The following TIMELESS variants were observed in gnomAD, a reference collection of about 807,000 sequenced individuals.
TIMELESS encodes the protein timeless circadian regulator.
A neutral mutation model predicts 164.3 loss-of-function variants in TIMELESS; 124 were observed. That is an observed-to-expected ratio of 0.75 (90% CI 0.65 to 0.88). The LOEUF is 0.88. Among genes scored for constraint, TIMELESS ranks in the 40% least tolerant of loss-of-function variants. The pLI is 0.00. For synonymous variants in TIMELESS, 564 were observed against 563.4 expected, an observed-to-expected ratio of 1.00 and a Z score of -0.02; for missense variants, 1,422 against 1,491.4, an observed-to-expected ratio of 0.95 and a Z score of 0.77.
intron 22 of TIMELESS, 27 bp downstream of exon 22, chr12:56,421,700 G>T (rs746600176): frequency 6.2e-7 from 1 of 1,612,224 alleles, no homozygotes; most frequent in South Asian, 1.1e-5. Flanking sequence ...TCATCTCAAA[G>T]GTCCCCTGAG....
rs187263370 is a variant in TIMELESS, at chr12:56,421,673, A to T, written c.2725+54T>A. Reference sequence around the variant, plus strand: ...GGGAATAAAAGGCAGCCCCAAAATAAATGGATAGCTTGGCTTTCATCTCAA... The same window carrying T: ...GGGAATAAAAGGCAGCCCCAAAATATATGGATAGCTTGGCTTTCATCTCAA... On this transcript the variant is annotated intron_variant, in intron 22 of 28. Transcript: ENST00000553532. The T allele has an allele frequency of 2.3e-5, 36 of 1,593,692 alleles. 1 individual carries two copies. In the Admixed American group the frequency reaches 5.8e-4, roughly 26 times the overall value.
At chr12:56,438,781 A>C (rs61937717) in intron 1 of TIMELESS, among the ~76,000 whole-genome samples, 1 of 58,474 alleles carries the variant, frequency 1.7e-5, no homozygotes. Context: ...CTGTCTCAAA[A>C]AAAAAAAAAA....
intron 26 of TIMELESS, 55 bp downstream of exon 26, chr12:56,420,514 G>T: frequency 7.2e-7 from 1 of 1,392,938 alleles, no homozygotes; most frequent in Non-Finnish European, 1.0e-6. Flanking sequence ...AGGAGGAGAT[G>T]TATTTGGAAA....
rs374560165 is a variant in TIMELESS, at chr12:56,424,844, G to T, written c.1786C>A (p.Arg596=). The change falls in exon 15 of 29, where the codon CGG becomes AGG. Residue 596 remains arginine, a synonymous_variant. Transcript: ENST00000553532. ...AASEVPVEEQ[R]AEAMVRIQDC... is the part of the protein sequence containing the mutation. ...TGGATCCGTACCATAGCTTCTGCCCGCTGCTCCTCCACTGGCACCTCTGAG... is the reference window on the plus strand; with the variant it reads ...TGGATCCGTACCATAGCTTCTGCCCTCTGCTCCTCCACTGGCACCTCTGAG... 2 of 1,614,064 alleles carry T rather than the reference G, an allele frequency of 1.2e-6. No individual in the cohort carries two copies. The highest frequency in any genetic ancestry group is 1.3e-5 in the African/African-American group (1 of 74,912).
In TIMELESS at chr12:56,428,311, G is replaced by A. The variant is rs759289820; in HGVS notation, c.1503C>T (p.Asp501=). ...GGAAGAGGTGGGTGGTCTCCACCAG[G>A]TCACGAAGGAAAGAGCGGGGCTGGC... ...ERCQPRSFLR[D]LVETTHLFLK... is the part of the protein sequence containing the mutation. Residue 501 remains aspartate (D), a synonymous_variant, in exon 13 of 29, where the codon GAC becomes GAT. Transcript: ENST00000553532. The A allele has an allele frequency of 1.2e-5, 20 of 1,613,762 alleles. No homozygotes were observed. Among genetic ancestry groups the A allele is most frequent in the Non-Finnish European group, 1.7e-5 (20 of 1,179,720 alleles).
In TIMELESS at chr12:56,421,717, G is replaced by A. The variant is rs1333459213; in HGVS notation, c.2725+10C>T. 3.1e-6 allele frequency: 5 copies of A among 1,613,908 alleles called. No homozygotes were observed. Among genetic ancestry groups the A allele is most frequent in the Non-Finnish European group, 4.2e-6 (5 of 1,179,862 alleles). ...ATCTCAAAGGTCCCCTGAGTTTCCA[G>A]CTTACTCACCATCTGAGTCCCGGAA... On this transcript the variant is annotated intron_variant, in intron 22 of 28. Transcript: ENST00000553532.
intron 8 of TIMELESS, among the ~76,000 whole-genome samples, 193 bp from the exon 9 acceptor site, chr12:56,431,161 C>T (rs925902545): frequency 2.3e-5 from 3 of 128,864 alleles, no homozygotes; most frequent in South Asian, 5.1e-4. Context: ...TGAGACCAGC[C>T]TGGCCAACAT....
In TIMELESS at chr12:56,421,908, T is replaced by C; in HGVS notation, c.2633A>G (p.Asp878Gly). 6.2e-7 allele frequency: 1 copy of C among 1,614,124 alleles called. No homozygotes were observed. The highest frequency in any genetic ancestry group is 8.5e-7 in the Non-Finnish European group (1 of 1,179,996). The change falls in exon 21 of 29, where the codon GAC (aspartate) becomes GGC (glycine). Residue 878 changes from aspartate (D) to glycine (G), a missense_variant. Asp to Gly is a moderately conservative substitution (Grantham distance 94). Coordinates refer to ENST00000553532, the MANE Select transcript of TIMELESS (RefSeq NM_003920.5). ...GCATGTGCCTCTCTACCTTTGGAAGTCCTTGACACTGTCAGCCAGTCCCAT... is the reference window on the plus strand; with the variant it reads ...GCATGTGCCTCTCTACCTTTGGAAGCCCTTGACACTGTCAGCCAGTCCCAT... The part of the protein sequence containing the change: ...VQMGLADSVK[D>G]FQRKGTHIVL...
intron 1 of TIMELESS, among the ~76,000 whole-genome samples, chr12:56,444,381 A>G (rs1293675079): frequency 6.6e-6 from 1 of 152,082 alleles, no homozygotes; most frequent in African/African-American, 2.4e-5. Context: ...TCTCCACCCA[A>G]GCCTAAAAAC....
In TIMELESS at chr12:56,423,475, G is replaced by A. The variant is rs111445856; in HGVS notation, c.2091C>T (p.Arg697=). ...KEFNFLDYLK[R]FACSTVVRAY... The stretch of plus-strand genomic sequence containing the variant: ...CTCGAACGACAGTTGAACATGCAAA[G>A]CTGCACCAAAACAAGGAGGGAGAGG... Residue 697 remains arginine, a splice_region_variant and synonymous_variant, in exon 18 of 29, where the codon CGC becomes CGT. Transcript: ENST00000553532. 113 of 1,614,092 alleles carry A rather than the reference G, an allele frequency of 7.0e-5. No homozygotes were observed. In the East Asian group the frequency reaches 2.4e-3, roughly 35 times the overall value.
At chr12:56,448,114 G>A (rs1269809177) in intron 1 of TIMELESS, among the ~76,000 whole-genome samples, 1 of 152,152 alleles carries the variant, frequency 6.6e-6, no homozygotes, top group Non-Finnish European at 1.5e-5. Flanking sequence ...TTTGTACAAA[G>A]TACTAGTAGG....
chr12:56,434,767 C>A (rs1005766004), intron 1 of TIMELESS, among the ~76,000 whole-genome samples: 2 of 151,056 alleles, frequency 1.3e-5, no homozygotes. Context: ...ATTGTTAGAC[C>A]CTGGCTGGGC....
At chr12:56,419,476 G>GTGTA (rs1042562405) in intron 26 of TIMELESS, among the ~76,000 whole-genome samples, 1 of 151,628 alleles carries the variant, frequency 6.6e-6, no homozygotes, top group African/African-American at 2.4e-5. Flanking sequence ...GTGTGTGTGT[G>GTGTA]TGTGTGTGTG....
In TIMELESS at chr12:56,417,790, T is replaced by G. The variant is rs1005726538; in HGVS notation, c.3557-4A>C. The stretch of plus-strand genomic sequence containing the variant: ...CCTGGAGCTCCCAACTCTGGTGCTG[T>G]GGGAACGATGGGGGTGAGAGAGAGA... On this transcript the variant is annotated splice_region_variant and splice_polypyrimidine_tract_variant and intron_variant, in intron 28 of 28. Transcript: ENST00000553532. The G allele has an allele frequency of 2.0e-5, 32 of 1,614,046 alleles. No homozygotes were observed. Among genetic ancestry groups the G allele is most frequent in the Non-Finnish European group, 2.4e-5 (28 of 1,180,032 alleles).
intron 19 of TIMELESS, 34 bp downstream of exon 19, chr12:56,422,813 A>AACCCCACCCC: frequency 2.2e-6 from 3 of 1,357,036 alleles, no homozygotes; most frequent in Non-Finnish European, 3.1e-6. Context: ...AACTTCCCCT[A>AACCCCACCCC]CCCCCACCCA....
At chr12:56,436,961 C>A (rs2638313) in intron 1 of TIMELESS, among the ~76,000 whole-genome samples, 1 of 150,696 alleles carries the variant, frequency 6.6e-6, no homozygotes, top group Non-Finnish European at 1.5e-5. Flanking sequence ...CAGAGTCTCA[C>A]GCTCTGTTGC....
chr12:56,435,228 C>T (rs1342248678), intron 1 of TIMELESS, among the ~76,000 whole-genome samples: 1 of 152,098 alleles, frequency 6.6e-6, no homozygotes, highest in Non-Finnish European at 1.5e-5. Flanking sequence ...CCTTCACTCT[C>T]CTCTCCAAAG....
chr12:56,418,353 A>G lies in TIMELESS; in HGVS notation c.3235T>C (p.Phe1079Leu), dbSNP rs771853749. The change falls in exon 27 of 29, where the codon TTC becomes CTC. Residue 1079 changes from phenylalanine (F) to leucine (L), a missense_variant. Physicochemically the swap from Phe to Leu is conservative, Grantham distance 22. Transcript: ENST00000553532. ...VRPPASGQETFWRIPAKLSPT... is the reference protein window; with the variant it reads ...VRPPASGQETLWRIPAKLSPT... ...CTCAGCTTGGCTGGAATTCGCCAGA[A>G]GGTTTCCTACAGGGGCCAAAAAGTT... The G allele has an allele frequency of 1.4e-5, 22 of 1,608,068 alleles. No homozygotes were observed. The East Asian group carries it at 4.5e-4, about 33-fold the overall frequency.
intron 1 of TIMELESS, among the ~76,000 whole-genome samples, chr12:56,440,133 CTTTTTTTT>C (rs33978004): frequency 1.1e-5 from 1 of 87,650 alleles, no homozygotes; most frequent in African/African-American, 4.3e-5. Context: ...TCAAATTAAC[CTTTTTTTT>C]TTTTTTTTTT....
Sources: gnomAD v4.1 joint callset for allele counts (sites outside exome capture counted in the v4.1 genomes callset) on GRCh38, gnomAD v4.1.1 for gene constraint, MANE v1.5 for transcripts, NCBI Gene and HGNC (gene_info 2026-07-23, HGNC 2026-07-21) for gene names.